GARIN1B: variants seen among roughly 807,000 people sequenced by gnomAD.
GARIN1B encodes the protein golgi associated RAB2 interactor 1B.
the GARIN1B span, chr7:128,731,379 G>T: frequency 1.8e-6 from 1 of 542,480 alleles, no homozygotes; most frequent in East Asian, 3.0e-5. Flanking sequence ...AAGAGATGAA[G>T]GAAAGGAGTG....
At chr7:128,710,747 C>T in the GARIN1B span, among the ~76,000 whole-genome samples, 6 of 151,412 alleles carry the variant, frequency 4.0e-5, no homozygotes, top group Non-Finnish European at 7.4e-5. Flanking sequence ...TGCAATGACG[C>T]AATCTGGGCT....
chr7:128,721,837 T>C, the GARIN1B span, among the ~76,000 whole-genome samples: 2 of 152,370 alleles, frequency 1.3e-5, no homozygotes, highest in East Asian at 3.9e-4. Context: ...TGTTAAATGC[T>C]TTCTCTGCAT....
At chr7:128,718,995 G>A in the GARIN1B span, 1 of 1,614,100 alleles carries the variant, frequency 6.2e-7, no homozygotes, top group Non-Finnish European at 8.5e-7. Flanking sequence ...CTGCAAAAGG[G>A]GCTGTCCATC....
chr7:128,716,449 T>A, the GARIN1B span, among the ~76,000 whole-genome samples: 1 of 152,120 alleles, frequency 6.6e-6, no homozygotes, highest in Non-Finnish European at 1.5e-5. Context: ...AACTCCTGGG[T>A]TGTAATTCCT....
At chr7:128,722,203 G>A in the GARIN1B span, among the ~76,000 whole-genome samples, 1 of 152,146 alleles carries the variant, frequency 6.6e-6, no homozygotes. Flanking sequence ...TTAAATATTT[G>A]ATAGAATTTA....
the GARIN1B span, chr7:128,723,442 G>C: frequency 1.9e-4 from 239 of 1,230,816 alleles, 2 homozygotes; most frequent in East Asian, 2.3e-3. Flanking sequence ...ACCAGGCACG[G>C]TGGCTCACGC....
At chr7:128,715,738 G>C in the GARIN1B span, 2 of 1,495,928 alleles carry the variant, frequency 1.3e-6, no homozygotes, top group African/African-American at 2.8e-5. Flanking sequence ...TTCGAAACCT[G>C]TTCCCAAGAT....
the GARIN1B span, chr7:128,731,492 T>C: frequency 3.1e-6 from 1 of 320,202 alleles, no homozygotes; most frequent in Non-Finnish European, 5.8e-6. Context: ...GAAGTGGTAA[T>C]AGGAAACGGA....
the GARIN1B span, among the ~76,000 whole-genome samples, chr7:128,728,428 C>A: frequency 3.1e-4 from 36 of 116,566 alleles, no homozygotes; most frequent in African/African-American, 1.2e-3. Flanking sequence ...GGTGACAGAG[C>A]GAGACTCAGA....
chr7:128,711,135 C>T, the GARIN1B span, among the ~76,000 whole-genome samples: 4 of 152,044 alleles, frequency 2.6e-5, no homozygotes, highest in East Asian at 1.9e-4. Context: ...GATATGCAGT[C>T]GTCATGTGTA....
the GARIN1B span, chr7:128,719,219 T>C: frequency 4.4e-6 from 3 of 685,826 alleles, no homozygotes; most frequent in African/African-American, 5.3e-5. Flanking sequence ...GAGTATCATT[T>C]AGAACAATAA....
the GARIN1B span, among the ~76,000 whole-genome samples, chr7:128,725,613 C>T: frequency 6.6e-6 from 1 of 152,180 alleles, no homozygotes; most frequent in Non-Finnish European, 1.5e-5. Flanking sequence ...CTTATGTGAT[C>T]CATTCACCTC....
chr7:128,725,361 CCTTCCTTCCTTCCTT>C, the GARIN1B span, among the ~76,000 whole-genome samples: 1 of 150,204 alleles, frequency 6.7e-6, no homozygotes, highest in Non-Finnish European at 1.5e-5. Context: ...TTCCTTCCTT[CCTTCCTTCCTTCCTT>C]CCTTTTTCTT....
the GARIN1B span, among the ~76,000 whole-genome samples, chr7:128,720,690 A>G: frequency 6.6e-6 from 1 of 152,198 alleles, no homozygotes; most frequent in African/African-American, 2.4e-5. Context: ...ATGGATATGT[A>G]ATTAGCCTAG....
the GARIN1B span, chr7:128,709,276 T>C: frequency 6.6e-6 from 1 of 152,222 alleles, no homozygotes; most frequent in Admixed American, 6.5e-5. Flanking sequence ...GGACTACATC[T>C]TAAGTAGTAC....
the GARIN1B span, among the ~76,000 whole-genome samples, chr7:128,711,654 TACAGACACACACACACACAC>T: frequency 3.7e-5 from 4 of 107,800 alleles, no homozygotes; most frequent in Non-Finnish European, 7.6e-5. Context: ...ATTTTGGTTT[TACAGACACACACACACACAC>T]ACACACACAC....
the GARIN1B span, among the ~76,000 whole-genome samples, chr7:128,728,170 G>A: frequency 1.2e-4 from 19 of 152,282 alleles, no homozygotes; most frequent in Non-Finnish European, 1.8e-4. Flanking sequence ...GGGGCAGGGC[G>A]CGGTGGCTCA....
the GARIN1B span, among the ~76,000 whole-genome samples, chr7:128,724,073 C>T: frequency 0.095 from 14,449 of 152,218 alleles, 754 homozygotes; most frequent in Non-Finnish European, 0.11. Flanking sequence ...TGCAGTGGCA[C>T]AGTCTCGGCT....
chr7:128,718,742 C>A, the GARIN1B span: 2 of 1,516,150 alleles, frequency 1.3e-6, no homozygotes, highest in South Asian at 1.3e-5. Flanking sequence ...AAGCCTTAGT[C>A]CTAAAGGAGA....
Sources: gnomAD v4.1 joint callset for allele counts (sites outside exome capture counted in the v4.1 genomes callset) on GRCh38, gnomAD v4.1.1 for gene constraint, MANE v1.5 for transcripts, NCBI Gene and HGNC (gene_info 2026-07-23, HGNC 2026-07-21) for gene names.